Variants in CSMD1 observed in about 807,000 individuals in gnomAD.
CSMD1 encodes CUB and sushi domain-containing protein 1.
CSMD1 carries 213 observed loss-of-function variants against 417.5 expected under a neutral mutation model. The ratio of observed to expected loss-of-function variants is 0.51; its 90% CI spans 0.46 to 0.57. The LOEUF is 0.57. Among genes scored for constraint, CSMD1 ranks in the 20% least tolerant of loss-of-function variants. The pLI is 0.00. For missense variants in CSMD1, 6,923 were observed against 4,529.7 expected (o/e 1.53, Z -15.17); for synonymous variants, 2,862 against 1,736.8 (o/e 1.65, Z -16.11).
Position 4,048,462 on chromosome 8 carries a change from T to C in CSMD1, c.416-16363A>G, listed in dbSNP as rs891534044. ...CTATTTTCCCAACAAGATTCTGCAG[T>C]AGCTACTATTATCCCCATTTTAAAG... On this transcript the variant is annotated intron_variant, in intron 3 of 69. Transcript: ENST00000635120. Among the ~76,000 whole-genome samples, 6 of 152,340 alleles carry C rather than the reference T, an allele frequency of 3.9e-5. 1 individual carries two copies. The highest frequency in any genetic ancestry group is 6.8e-3 in the Middle Eastern group (2 of 294).
intron 17 of CSMD1, among the ~76,000 whole-genome samples, chr8:3,392,331 C>G (rs1013881270): frequency 6.6e-6 from 1 of 151,992 alleles, no homozygotes. Flanking sequence ...CACAGGCAAC[C>G]CACTTTCAAA....
intron 3 of CSMD1, among the ~76,000 whole-genome samples, chr8:4,177,316 G>T (rs562643755): frequency 2.0e-5 from 3 of 152,128 alleles, no homozygotes; most frequent in African/African-American, 4.8e-5. Context: ...TGAACAACCT[G>T]CTCCTGAATG....
Position 3,199,783 on chromosome 8 carries a change from T to C in CSMD1, c.5125A>G (p.Asn1709Asp). 6.3e-7 allele frequency: 1 copy of C among 1,580,226 alleles called. No individual in the cohort carries two copies. The stretch of plus-strand genomic sequence containing the variant: ...GCACTGAATCGGAGCAGAATTTGAT[T>C]TGACGTAGCCAAGGGCAATGTTTCC... ...SGETLPLATS[N>D]QILLRFSAKS... Residue 1709 changes from asparagine (N) to aspartate (D), a missense_variant, in exon 33 of 70, where the codon AAT becomes GAT. Coordinates refer to ENST00000635120, the MANE Select transcript of CSMD1 (RefSeq NM_033225.6).
intron 2 of CSMD1, among the ~76,000 whole-genome samples, chr8:4,534,777 T>G (rs1797016022): frequency 6.6e-6 from 1 of 152,024 alleles, no homozygotes; most frequent in Non-Finnish European, 1.5e-5. Context: ...TCTTTCCTTT[T>G]TTTGAGGTGG....
At chr8:4,847,405 T>C (rs748423896) in intron 1 of CSMD1, among the ~76,000 whole-genome samples, 2 of 152,118 alleles carry the variant, frequency 1.3e-5, no homozygotes, top group Non-Finnish European at 2.9e-5. Context: ...TCAATAAATT[T>C]TAAAATTTCA....
At chr8:4,831,876 G>T (rs889974725) in intron 1 of CSMD1, among the ~76,000 whole-genome samples, 1 of 151,998 alleles carries the variant, frequency 6.6e-6, no homozygotes, top group African/African-American at 2.4e-5. Context: ...GTGCAAGGAT[G>T]AGGATGAAGA....
chr8:4,936,752 G>A (rs1489241756), intron 1 of CSMD1, among the ~76,000 whole-genome samples: 2 of 152,034 alleles, frequency 1.3e-5, no homozygotes, highest in Non-Finnish European at 2.9e-5. Context: ...AACCCATATT[G>A]GAATTGTCTA....
intron 23 of CSMD1, among the ~76,000 whole-genome samples, chr8:3,341,376 T>A (rs1807631071): frequency 6.6e-6 from 1 of 152,204 alleles, no homozygotes; most frequent in African/African-American, 2.4e-5. Context: ...TGCATAAATC[T>A]TCTTCTGGAT....
intron 1 of CSMD1, among the ~76,000 whole-genome samples, chr8:4,878,363 T>C (rs1439153131): frequency 3.3e-5 from 5 of 152,104 alleles, no homozygotes; most frequent in Non-Finnish European, 7.3e-5. Flanking sequence ...TGTCATTTGA[T>C]GGAAGCCTAA....
At chr8:4,043,790 G>T (rs1798012229) in intron 3 of CSMD1, among the ~76,000 whole-genome samples, 1 of 151,946 alleles carries the variant, frequency 6.6e-6, no homozygotes, top group Non-Finnish European at 1.5e-5. Context: ...CTTTATATAT[G>T]GTATTTCAAA....
At chr8:2,991,498 G>C (rs1250700184) in intron 54 of CSMD1, among the ~76,000 whole-genome samples, 1 of 152,104 alleles carries the variant, frequency 6.6e-6, no homozygotes, top group South Asian at 2.1e-4. Context: ...TAAGACTTTT[G>C]AAAAATCTCA....
chr8:4,865,511 C>A (rs998705048), intron 1 of CSMD1, among the ~76,000 whole-genome samples: 3 of 151,770 alleles, frequency 2.0e-5, no homozygotes, highest in Non-Finnish European at 2.9e-5. Context: ...AAACATGATG[C>A]AACAATATAT....
chr8:4,339,265 G>C lies in CSMD1; in HGVS notation c.415+80688C>G, dbSNP rs979533500. On this transcript the variant is annotated intron_variant, in intron 3 of 69. Coordinates refer to ENST00000635120, the MANE Select transcript of CSMD1 (RefSeq NM_033225.6). ...GTTATGGTCTTGGCCAGAGACAAAA[G>C]TAGGAAGTTGATAACTACTTCAAAC... Among the ~76,000 whole-genome samples, 5 of 152,254 alleles carry C rather than the reference G, an allele frequency of 3.3e-5. 1 individual carries two copies. Among genetic ancestry groups the C allele is most frequent in the South Asian group, 2.1e-4 (1 of 4,832 alleles).
At chr8:3,296,077 G>A (rs760428758) in intron 25 of CSMD1, among the ~76,000 whole-genome samples, 3 of 151,978 alleles carry the variant, frequency 2.0e-5, no homozygotes, top group Non-Finnish European at 2.9e-5. Context: ...AATATGGAAT[G>A]TTAGTAGGTG....
Position 2,955,653 on chromosome 8 carries a change from C to T in CSMD1, c.9930G>A (p.Gly3310=), listed in dbSNP as rs34079122. The T allele has an allele frequency of 1.2e-6, 2 of 1,613,722 alleles. No individual in the cohort carries two copies. Among genetic ancestry groups the T allele is most frequent in the African/African-American group, 1.3e-5 (1 of 74,872 alleles). Residue 3310 remains glycine (G), a synonymous_variant, in exon 64 of 70, where the codon GGG becomes GGA. Coordinates refer to ENST00000635120, the MANE Select transcript of CSMD1 (RefSeq NM_033225.6). ...CTTTACATGTTCTGTGCTCAGATCC[C>T]CCTGCGAGGAAAAAGCCTGGATGGC... The part of the protein sequence containing the change: ...YTCHPGFFLA[G]GSEHRTCKAD...
chr8:3,981,009 T>G (rs1189275908), intron 5 of CSMD1, among the ~76,000 whole-genome samples: 1 of 152,200 alleles, frequency 6.6e-6, no homozygotes, highest in Non-Finnish European at 1.5e-5. Context: ...CAGAGGTTCT[T>G]CAAGGTTCAA....
At chr8:3,827,463 T>C (rs1802120175) in intron 5 of CSMD1, among the ~76,000 whole-genome samples, 1 of 152,200 alleles carries the variant, frequency 6.6e-6, no homozygotes, top group South Asian at 2.1e-4. Context: ...GTGCAAAACC[T>C]GTGTGGTCTT....
chr8:4,094,688 G>A (rs916884418), intron 3 of CSMD1, among the ~76,000 whole-genome samples: 1 of 152,090 alleles, frequency 6.6e-6, no homozygotes, highest in Non-Finnish European at 1.5e-5. Flanking sequence ...CAGACGGAGA[G>A]GAAACGCCGG....
rs546146741 is a variant in CSMD1, at chr8:3,175,383, T to G, written c.5725+5727A>C. 2.6e-5 allele frequency among the ~76,000 whole-genome samples: 4 copies of G among 152,274 alleles called. 1 individual carries two copies. Among genetic ancestry groups the G allele is most frequent in the African/African-American group, 9.6e-5 (4 of 41,556 alleles). ...TATATTGTAAATGTGATACTGCAAT[T>G]TTTCTATCAGGATTTTCTACTTCCA... On this transcript the variant is annotated intron_variant, in intron 37 of 69. Coordinates refer to ENST00000635120, the MANE Select transcript of CSMD1 (RefSeq NM_033225.6).
Sources: gnomAD v4.1 joint callset for allele counts (sites outside exome capture counted in the v4.1 genomes callset) on GRCh38, gnomAD v4.1.1 for gene constraint, MANE v1.5 for transcripts, NCBI Gene and HGNC (gene_info 2026-07-23, HGNC 2026-07-21) for gene names.